Variants in MTHFD2L observed in about 807,000 individuals in gnomAD.
The protein encoded by MTHFD2L is bifunctional methylenetetrahydrofolate dehydrogenase/cyclohydrolase 2, mitochondrial.
MTHFD2L carries 29 observed loss-of-function variants against 34.9 expected under a neutral mutation model. The observed-to-expected ratio is 0.83, with a 90% CI of 0.62 to 1.13. MTHFD2L has a LOEUF of 1.13. MTHFD2L is among the 50% of genes most tolerant of loss of function. The pLI, the probability that MTHFD2L is intolerant of heterozygous loss-of-function variation, is 0.00. For missense variants in MTHFD2L, 481 were observed against 446.5 expected, an observed-to-expected ratio of 1.08 and a Z score of -0.70; for synonymous variants, 167 against 155.7, an observed-to-expected ratio of 1.07 and a Z score of -0.54.
rs78376958 is a variant in MTHFD2L, at chr4:74,274,814, A to C, written c.806-6611A>C. ...ATGGTAGGACTATTTATGTTGTAGAAATCATCAAATTCTACACATCAGAGA... is the reference window on the plus strand; with the variant it reads ...ATGGTAGGACTATTTATGTTGTAGACATCATCAAATTCTACACATCAGAGA... On this transcript the variant is annotated intron_variant, in intron 6 of 7. Coordinates refer to ENST00000325278, the MANE Select transcript of MTHFD2L (RefSeq NM_001144978.3). 4.2e-3 allele frequency among the ~76,000 whole-genome samples: 632 copies of C among 152,276 alleles called. 21 individuals carry two copies. The East Asian group carries it at 0.078, about 19-fold the overall frequency.
chr4:74,251,734 G>A (rs2110200457), intron 6 of MTHFD2L, among the ~76,000 whole-genome samples: 1 of 152,220 alleles, frequency 6.6e-6, no homozygotes, highest in African/African-American at 2.4e-5. Flanking sequence ...ATATCATAGT[G>A]CCATATTCTA....
chr4:74,178,106 G>A (rs1397367783), intron 3 of MTHFD2L, among the ~76,000 whole-genome samples: 1 of 151,990 alleles, frequency 6.6e-6, no homozygotes, highest in Admixed American at 6.6e-5. Context: ...AGAGGGGATT[G>A]TGGAGATGTT....
At chr4:74,174,767 A>G (rs1476024088) in intron 2 of MTHFD2L, 77 bp downstream of exon 2, 3 of 1,042,672 alleles carry the variant, frequency 2.9e-6, no homozygotes, top group Non-Finnish European at 3.9e-6. Flanking sequence ...ATTATGAATG[A>G]TAATTATCAA....
chr4:74,218,682 G>C (rs1483414713), intron 5 of MTHFD2L, among the ~76,000 whole-genome samples: 4 of 149,616 alleles, frequency 2.7e-5, no homozygotes, highest in Non-Finnish European at 5.9e-5. Flanking sequence ...TTCTAGCTTT[G>C]TTTTTTTATA....
intron 6 of MTHFD2L, among the ~76,000 whole-genome samples, chr4:74,232,849 C>G (rs1037270336): frequency 9.9e-5 from 15 of 152,112 alleles, no homozygotes; most frequent in African/African-American, 3.6e-4. Flanking sequence ...TCTAATGACT[C>G]TATAGTATTG....
chr4:74,223,030 CCT>C (rs1738484325), intron 5 of MTHFD2L, among the ~76,000 whole-genome samples: 1 of 151,936 alleles, frequency 6.6e-6, no homozygotes. Context: ...CAGGGTAATT[CCT>C]CAGAGACCTA....
chr4:74,210,010 G>A (rs186706577), intron 5 of MTHFD2L, among the ~76,000 whole-genome samples: 1 of 152,266 alleles, frequency 6.6e-6, no homozygotes, highest in Non-Finnish European at 1.5e-5. Context: ...AAAAGTGTCT[G>A]TTCATATCCT....
chr4:74,129,773 CAA>C (rs1017211510), intron 1 of MTHFD2L, among the ~76,000 whole-genome samples: 13 of 151,084 alleles, frequency 8.6e-5, no homozygotes, highest in African/African-American at 3.2e-4. Flanking sequence ...AAAAACCCTT[CAA>C]AAAAATGAAT....
Position 74,175,424 on chromosome 4 carries a change from T to A in MTHFD2L, c.451+21T>A, listed in dbSNP as rs781480551. On this transcript the variant is annotated intron_variant, in intron 3 of 7. Transcript: ENST00000325278. Reference sequence around the variant, plus strand: ...ACCAGGTACATAATGCTCCTCTTATTTATCTGATTTTGTTAAAAGTGAAAC... The same window carrying A: ...ACCAGGTACATAATGCTCCTCTTATATATCTGATTTTGTTAAAAGTGAAAC... 41 of 1,588,514 alleles carry A rather than the reference T, an allele frequency of 2.6e-5. 1 individual carries two copies. In the South Asian group the frequency reaches 4.5e-4, roughly 18 times the overall value.
intron 5 of MTHFD2L, among the ~76,000 whole-genome samples, chr4:74,207,062 T>A (rs1456392613): frequency 6.6e-6 from 1 of 151,992 alleles, no homozygotes; most frequent in Non-Finnish European, 1.5e-5. Flanking sequence ...CACACCCAGA[T>A]AATTTTTTGT....
At chr4:74,290,257 C>T (rs1748713163) in intron 7 of MTHFD2L, among the ~76,000 whole-genome samples, 1 of 152,188 alleles carries the variant, frequency 6.6e-6, no homozygotes, top group Admixed American at 6.5e-5. Context: ...AGCTCAGTAT[C>T]ATTATCCTAA....
At chr4:74,157,428 T>G (rs1724371480), upstream of MTHFD2L, 1 of 352,934 alleles carries the variant, frequency 2.8e-6, no homozygotes, top group Non-Finnish European at 5.6e-6. Context: ...ATGTTTTACT[T>G]TTTCAGAGGG....
rs150391723 is a variant in MTHFD2L, at chr4:74,241,006, TG to T, written c.805+15614del. Among the ~76,000 whole-genome samples the T allele has an allele frequency of 9.1e-3, 1,385 of 152,278 alleles. 19 individuals are homozygous for T. Among genetic ancestry groups the T allele is most frequent in the African/African-American group, 0.032 (1,337 of 41,550 alleles). On this transcript the variant is annotated intron_variant, in intron 6 of 7. Transcript: ENST00000325278. ...GCTTTTTTAAAAAGACAGGGGAGAC[TG>T]GAAGCCCTAGGGATACTAAAATAGA... is the stretch of plus-strand genomic sequence containing the variant.
In MTHFD2L at chr4:74,199,791, C is replaced by T; in HGVS notation, c.452-3C>T. The T allele has an allele frequency of 1.3e-6, 2 of 1,585,334 alleles. No individual in the cohort carries two copies. On this transcript the variant is annotated splice_polypyrimidine_tract_variant and splice_region_variant and intron_variant, in intron 3 of 7. Coordinates refer to ENST00000325278, the MANE Select transcript of MTHFD2L (RefSeq NM_001144978.3). ...AATTAGACAAATTTTATTTATTTTT[C>T]AGACCACGTTGATGAGCGAACAATA...
chr4:74,296,839 G>T (rs1367775770), intron 7 of MTHFD2L, among the ~76,000 whole-genome samples: 1 of 151,970 alleles, frequency 6.6e-6, no homozygotes, highest in Admixed American at 6.6e-5. Flanking sequence ...TCTCACTGAT[G>T]AATGAATGAA....
intron 6 of MTHFD2L, chr4:74,266,750 T>C: frequency 3.5e-6 from 2 of 576,438 alleles, no homozygotes; most frequent in Non-Finnish European, 4.4e-6. Flanking sequence ...ACTTCTCTCC[T>C]GTCTATCACT....
Position 74,158,194 on chromosome 4 carries a change from C to A in MTHFD2L, c.56C>A (p.Pro19Gln), listed in dbSNP as rs1408517532. 6.6e-7 allele frequency: 1 copy of A among 1,525,224 alleles called. No individual in the cohort carries two copies. The highest frequency in any genetic ancestry group is 8.8e-7 in the Non-Finnish European group (1 of 1,136,818). 94.5% of individuals were successfully genotyped at this position (1,525,224 alleles called of 1,614,324 possible). The stretch of plus-strand genomic sequence containing the variant: ...CTCCGCGGCCGCCTTGGCCGAGCGC[C>A]GGCGTTGGGCAGAAGCACAGCACCC... ...SLLRGRLGRAPALGRSTAPSV... is the reference protein window; with the variant it reads ...SLLRGRLGRAQALGRSTAPSV... Residue 19 changes from proline (P) to glutamine (Q), a missense_variant, in exon 1 of 8, where the codon CCG becomes CAG. By Grantham distance (76) the Pro-to-Gln change is moderately conservative. Coordinates refer to ENST00000325278, the MANE Select transcript of MTHFD2L (RefSeq NM_001144978.3).
At chr4:74,224,983 G>A (rs928852753) in intron 5 of MTHFD2L, among the ~76,000 whole-genome samples, 1 of 152,072 alleles carries the variant, frequency 6.6e-6, no homozygotes, top group African/African-American at 2.4e-5. Context: ...AAGACAATGA[G>A]TATCCTGTAT....
chr4:74,180,598 A>G, intron 3 of MTHFD2L: 1 of 348,554 alleles, frequency 2.9e-6, no homozygotes, highest in South Asian at 2.0e-5. Context: ...CATGCATCTC[A>G]TTTGAGCAAC....
Sources: allele counts gnomAD v4.1 joint callset (sites outside exome capture counted in the v4.1 genomes callset), GRCh38; gene constraint gnomAD v4.1.1; transcripts MANE v1.5; gene names NCBI Gene and HGNC (gene_info 2026-07-23, HGNC 2026-07-21).